The following UGT2B4 variants were observed in gnomAD, a reference collection of about 807,000 sequenced individuals.
The protein encoded by UGT2B4 is UDP glucuronosyltransferase family 2 member B4.
In UGT2B4, 49 loss-of-function variants were observed where a neutral mutation model predicts 49.8. That is an observed-to-expected ratio of 0.98 (90% CI 0.78 to 1.25). The LOEUF (loss-of-function observed/expected upper bound fraction) is 1.25, where lower values mean the gene tolerates loss of function less well. Ranked by LOEUF, UGT2B4 falls within the 50% of genes most tolerant of loss-of-function variation. The pLI is 0.00. For synonymous variants in UGT2B4, 246 were observed against 217.7 expected (o/e 1.13, Z -1.14); for missense variants, 729 against 627.7 (o/e 1.16, Z -1.73).
chr4:69,502,190 A>G (rs1043443918), intron 1 of UGT2B4, among the ~76,000 whole-genome samples: 16 of 38,810 alleles, frequency 4.1e-4, no homozygotes, highest in African/African-American at 1.0e-3. Context: ...TTCAGTTGTT[A>G]TTTATTAATA....
chr4:69,485,226 G>A lies in UGT2B4; in HGVS notation c.1292C>T (p.Thr431Ile). 1 of 1,613,892 alleles carries A rather than the reference G, an allele frequency of 6.2e-7. No homozygotes were observed. Among genetic ancestry groups the A allele is most frequent in the Non-Finnish European group, 8.5e-7 (1 of 1,179,904 alleles). Reference protein sequence around the residue: ...SSTDLLNALKTVINDPLYKEN... With the variant: ...SSTDLLNALKIVINDPLYKEN... ...TACTCACAAAGGATCATTAATTACTGTCTTCAGTGCATTGAGTAAGTCTGT... is the reference window on the plus strand; with the variant it reads ...TACTCACAAAGGATCATTAATTACTATCTTCAGTGCATTGAGTAAGTCTGT... Residue 431 changes from threonine (T) to isoleucine (I), a missense_variant, in exon 5 of 6, where the codon ACA becomes ATA. Physicochemically the swap from Thr to Ile is moderately conservative, Grantham distance 89 (BLOSUM62 -1). Transcript: ENST00000305107.
In UGT2B4 at chr4:69,495,772, G is replaced by T. The variant is rs777876678; in HGVS notation, c.90C>A (p.Pro30=). The T allele has an allele frequency of 5.0e-6, 8 of 1,613,842 alleles. No homozygotes were observed. Among genetic ancestry groups the T allele is most frequent in the Admixed American group, 3.3e-5 (2 of 59,976 alleles). Residue 30 remains proline (P), a synonymous_variant, in exon 1 of 6, where the codon CCC becomes CCA. Transcript: ENST00000305107. ...TATTCATCCAGTGGCTGAATTCTGTGGGCCACACCAGCACCTTTCCACAAC... is the reference window on the plus strand; with the variant it reads ...TATTCATCCAGTGGCTGAATTCTGTTGGCCACACCAGCACCTTTCCACAAC... ...SGSCGKVLVW[P]TEFSHWMNIK...
intron 2 of UGT2B4, among the ~76,000 whole-genome samples, chr4:69,492,912 C>T (rs945954336): frequency 6.6e-6 from 1 of 152,062 alleles, no homozygotes; most frequent in African/African-American, 2.4e-5. Context: ...ACAATTTAAT[C>T]CATCGAACAT....
chr4:69,508,351 G>A (rs1728525268), intron 1 of UGT2B4, among the ~76,000 whole-genome samples: 3 of 152,084 alleles, frequency 2.0e-5, no homozygotes, highest in Admixed American at 2.0e-4. Context: ...CCATTACTAA[G>A]TATACAGCCA....
chr4:69,522,538 T>A (rs1022304019), intron 1 of UGT2B4, among the ~76,000 whole-genome samples: 1 of 152,208 alleles, frequency 6.6e-6, no homozygotes, highest in African/African-American at 2.4e-5. Flanking sequence ...TAAAAAATAA[T>A]GTACACACCT....
Position 69,515,484 on chromosome 4 carries a change from C to T in UGT2B4, c.-106+10203G>A, listed in dbSNP as rs183941210. 3.3e-5 allele frequency among the ~76,000 whole-genome samples: 5 copies of T among 152,230 alleles called. No homozygotes were observed. The East Asian group carries it at 9.7e-4, about 29-fold the overall frequency. ...CTAATGAGAACAAAGGGACAATGCA[C>T]CAGAATCTCTGGGACACAGCTAAAG... On this transcript the variant is annotated intron_variant, in intron 1 of 1. Coordinates refer to the UGT2B4 transcript ENST00000510114.
chr4:69,496,003 T>A (rs1322043435), upstream of UGT2B4: 2 of 1,335,146 alleles, frequency 1.5e-6, no homozygotes, highest in East Asian at 2.4e-5. Context: ...AGTCTGAGCA[T>A]GTGGATGACA....
At chr4:69,485,474 A>C (rs1727753756) in intron 4 of UGT2B4, 47 bp from the exon 5 acceptor site, 1 of 1,601,398 alleles carries the variant, frequency 6.2e-7, no homozygotes, top group Admixed American at 1.7e-5. Context: ...GAATAAAATG[A>C]GAAATGCACA....
chr4:69,485,421 G>C lies in UGT2B4; in HGVS notation c.1097C>G (p.Pro366Arg). Residue 366 changes from proline (P) to arginine (R), a missense_variant, in exon 5 of 6, where the codon CCA becomes CGA. By Grantham distance (103) the Pro-to-Arg change is moderately radical. Transcript: ENST00000305107. ...WIPQNDLLGH[P>R]KTRAFITHGG... ...ATGAGTTATAAAAGCTCTGGTTTTT[G>C]GGTGACCTAGGATTGGATGAATTTT... 2 of 1,613,738 alleles carry C rather than the reference G, an allele frequency of 1.2e-6. No homozygotes were observed. The highest frequency in any genetic ancestry group is 2.2e-5 in the South Asian group (2 of 91,058).
intron 5 of UGT2B4, among the ~76,000 whole-genome samples, chr4:69,483,421 G>A (rs1727660808): frequency 6.6e-6 from 1 of 151,956 alleles, no homozygotes; most frequent in Non-Finnish European, 1.5e-5. Context: ...CATTACAATT[G>A]TTAATTGTGT....
chr4:69,520,388 C>T (rs1388233507), intron 1 of UGT2B4, among the ~76,000 whole-genome samples: 1 of 152,232 alleles, frequency 6.6e-6, no homozygotes. Context: ...GAAACAGGAA[C>T]AGGCAGGAGC....
intron 3 of UGT2B4, among the ~76,000 whole-genome samples, chr4:69,488,340 A>C (rs1185035820): frequency 6.6e-6 from 1 of 152,146 alleles, no homozygotes; most frequent in Non-Finnish European, 1.5e-5. Flanking sequence ...ATGTTTTGCT[A>C]TAGCTGAGAC....
chr4:69,490,873 T>C (rs1247961523), intron 2 of UGT2B4, among the ~76,000 whole-genome samples: 2 of 152,250 alleles, frequency 1.3e-5, no homozygotes, highest in South Asian at 2.1e-4. Flanking sequence ...TGGCTTGATG[T>C]CCAGAGCCGC....
chr4:69,519,641 C>T (rs977417294), intron 1 of UGT2B4, among the ~76,000 whole-genome samples: 1 of 152,154 alleles, frequency 6.6e-6, no homozygotes, highest in African/African-American at 2.4e-5. Context: ...TCTCTAAATA[C>T]CTCCTTCACA....
chr4:69,493,632 T>C, intron 2 of UGT2B4, 61 bp downstream of exon 2: 1 of 1,517,314 alleles, frequency 6.6e-7, no homozygotes, highest in Non-Finnish European at 8.8e-7. Context: ...ACACTTTGAA[T>C]GAATATAGAA....
At chr4:69,503,955 G>A (rs1728405319) in intron 1 of UGT2B4, among the ~76,000 whole-genome samples, 1 of 152,212 alleles carries the variant, frequency 6.6e-6, no homozygotes, top group Non-Finnish European at 1.5e-5. Context: ...CGTGGTCCAG[G>A]AGTTGGGAAC....
chr4:69,518,131 T>C (rs1330528926), intron 1 of UGT2B4: 1 of 152,456 alleles, frequency 6.6e-6, no homozygotes, highest in African/African-American at 2.4e-5. Flanking sequence ...AAATTCATTA[T>C]GTACATTGTC....
At position 69,485,353 on chromosome 4, in the gene UGT2B4, G is replaced by A; in HGVS notation, c.1165C>T (p.Pro389Ser). Residue 389 changes from proline (P) to serine (S), a missense_variant, in exon 5 of 6, where the codon CCT (proline) becomes TCT (serine). Coordinates refer to ENST00000305107, the MANE Select transcript of UGT2B4 (RefSeq NM_021139.3). ...GCAAACAATGGAACGCCCACCATAG[G>A]GATTCCATGGTAGATTGCCTCATAG... ...GIYEAIYHGI[P>S]MVGVPLFADQ... 6.2e-7 allele frequency: 1 copy of A among 1,613,928 alleles called. No homozygotes were observed. Among genetic ancestry groups the A allele is most frequent in the Admixed American group, 1.7e-5 (1 of 59,994 alleles).
At chr4:69,482,917 T>C (rs1727644314) in intron 5 of UGT2B4, among the ~76,000 whole-genome samples, 1 of 152,142 alleles carries the variant, frequency 6.6e-6, no homozygotes, top group Admixed American at 6.6e-5. Context: ...TCTGTTGCTG[T>C]GTAGTATTTC....
Sources: allele counts gnomAD v4.1 joint callset (sites outside exome capture counted in the v4.1 genomes callset), GRCh38; gene constraint gnomAD v4.1.1; transcripts MANE v1.5; gene names NCBI Gene and HGNC (gene_info 2026-07-23, HGNC 2026-07-21).